STOX2: variants seen among roughly 807,000 people sequenced by gnomAD.
The protein encoded by STOX2 is storkhead-box protein 2.
Under a neutral mutation model 60.9 loss-of-function variants are expected in STOX2, and 28 were observed. The ratio of observed to expected loss-of-function variants is 0.46; its 90% confidence interval spans 0.34 to 0.63. The LOEUF is 0.63. Ranked by LOEUF, STOX2 falls within the 30% of genes least tolerant of loss-of-function variation. The pLI, the probability that STOX2 is intolerant of heterozygous loss-of-function variation, is 0.01. For synonymous variants in STOX2, 472 were observed against 463.9 expected, an observed-to-expected ratio of 1.02 and a Z score of -0.22; for missense variants, 1,024 against 1,187.7, an observed-to-expected ratio of 0.86 and a Z score of 2.03.
intron 1 of STOX2, among the ~76,000 whole-genome samples, chr4:183,948,810 G>C: frequency 6.6e-6 from 1 of 152,072 alleles, no homozygotes; most frequent in Non-Finnish European, 1.5e-5. Context: ...GGGATTACAG[G>C]CGTGAGCCAC....
In STOX2 at chr4:184,011,119, C is replaced by T; in HGVS notation, c.2281C>T (p.Gln761Ter). The change falls in exon 3 of 4, where the codon CAG becomes TAG. Residue 761 changes from glutamine to a stop codon, truncating the protein, a stop_gained. Coordinates refer to ENST00000308497, the MANE Select transcript of STOX2 (RefSeq NM_020225.3). LOFTEE classifies it high-confidence loss of function. The surrounding 1 kb of genome is among the most constrained non-coding windows in gnomAD (Gnocchi z 4.4). ...AQAMPASQRQ[Q>*]ESGGNQEASF... ...AGCCATGCCTGCTTCCCAGCGTCAG[C>T]AGGAGTCAGGAGGGAACCAGGAAGC... 2 of 1,579,144 alleles carry T rather than the reference C, an allele frequency of 1.3e-6. No homozygotes were observed. Among genetic ancestry groups the T allele is most frequent in the Non-Finnish European group, 1.7e-6 (2 of 1,165,318 alleles).
At chr4:183,907,069 T>G in intron 1 of STOX2, 113 bp downstream of exon 1, 1 of 939,968 alleles carries the variant, frequency 1.1e-6, no homozygotes, top group Non-Finnish European at 1.6e-6. Context: ...CGATAAGTTA[T>G]GGGGAAAGCA....
intron 1 of STOX2, among the ~76,000 whole-genome samples, chr4:183,801,002 G>A (rs773277048): frequency 1.3e-5 from 2 of 152,208 alleles, no homozygotes; most frequent in African/African-American, 4.8e-5. Flanking sequence ...GATTTGCCAG[G>A]AGTTAATATT....
At chr4:183,914,321 C>T (rs1414313611) in intron 1 of STOX2, among the ~76,000 whole-genome samples, 1 of 152,128 alleles carries the variant, frequency 6.6e-6, no homozygotes, top group Non-Finnish European at 1.5e-5. Context: ...GCCTGTAGTC[C>T]CAGCTACTCG....
chr4:183,807,022 G>T (rs1183800828), intron 1 of STOX2, among the ~76,000 whole-genome samples: 3 of 151,924 alleles, frequency 2.0e-5, no homozygotes, highest in Non-Finnish European at 4.4e-5. Flanking sequence ...GCCCAGGCTG[G>T]AGTGCAGTGG....
At chr4:183,970,179 TGTGGG>T (rs1743701926) in intron 1 of STOX2, among the ~76,000 whole-genome samples, 2 of 139,448 alleles carry the variant, frequency 1.4e-5, no homozygotes, top group Admixed American at 7.6e-5. Flanking sequence ...TGTGTGTGTG[TGTGGG>T]GTTCCAGCTG....
intron 2 of STOX2, among the ~76,000 whole-genome samples, chr4:184,002,279 A>G (rs1174434791): frequency 6.6e-6 from 1 of 152,238 alleles, no homozygotes; most frequent in African/African-American, 2.4e-5. Context: ...TTATCGGGCT[A>G]CCAGTTTGCC....
chr4:183,889,148 A>G (rs1006562575), intron 1 of STOX2, among the ~76,000 whole-genome samples: 1 of 151,978 alleles, frequency 6.6e-6, no homozygotes, highest in African/African-American at 2.4e-5. Flanking sequence ...ACAGATTCAT[A>G]TGTTGAAGTC....
intron 1 of STOX2, among the ~76,000 whole-genome samples, chr4:183,835,504 G>A (rs529961904): frequency 3.3e-5 from 5 of 152,220 alleles, no homozygotes; most frequent in South Asian, 4.2e-4. Flanking sequence ...GATTACAGGC[G>A]TGAGCCACCG....
intron 1 of STOX2, among the ~76,000 whole-genome samples, chr4:183,870,180 T>C (rs904692520): frequency 1.3e-5 from 2 of 152,348 alleles, no homozygotes; most frequent in South Asian, 4.1e-4. Context: ...TTATATACTC[T>C]ACCAGTACTA....
chr4:183,878,042 GAGGTAAGAATTATCACTTGAAGTTTTT>G (rs1463242122), intron 1 of STOX2, among the ~76,000 whole-genome samples: 1 of 152,170 alleles, frequency 6.6e-6, no homozygotes, highest in African/African-American at 2.4e-5. Flanking sequence ...ACAGTATCTT[GAGGTAAGAATTATCACTTGAAGTTTTT>G]AGACCTGGAA....
intron 3 of STOX2, chr4:184,016,049 T>A (rs868077699): frequency 1.5e-4 from 23 of 152,332 alleles, no homozygotes; most frequent in Non-Finnish European, 3.2e-4. Flanking sequence ...ATAATACAGC[T>A]TTTAAATCAC....
chr4:183,850,586 G>C (rs775372022), intron 1 of STOX2, among the ~76,000 whole-genome samples: 18 of 151,970 alleles, frequency 1.2e-4, no homozygotes, highest in Non-Finnish European at 1.9e-4. Context: ...AAAATTAGCT[G>C]GGCTTGGTGG....
intron 1 of STOX2, among the ~76,000 whole-genome samples, chr4:183,837,243 G>T (rs1411921850): frequency 2.0e-5 from 3 of 152,052 alleles, no homozygotes; most frequent in African/African-American, 7.3e-5. Context: ...ATTCATAAGT[G>T]TACAATTCAG....
At chr4:183,834,089 C>T (rs528936955) in intron 1 of STOX2, among the ~76,000 whole-genome samples, 1 of 148,012 alleles carries the variant, frequency 6.8e-6, no homozygotes, top group Admixed American at 6.6e-5. Context: ...CATTGGATCT[C>T]TTCAAGCCTC....
intron 1 of STOX2, among the ~76,000 whole-genome samples, chr4:183,807,194 G>T (rs1019153920): frequency 1.3e-5 from 2 of 152,092 alleles, no homozygotes; most frequent in African/African-American, 4.8e-5. Context: ...TGATGGTCTC[G>T]ATCTCCTGAC....
intron 1 of STOX2, among the ~76,000 whole-genome samples, chr4:183,963,493 C>A (rs771358054): frequency 6.7e-6 from 1 of 150,322 alleles, no homozygotes; most frequent in Non-Finnish European, 1.5e-5. Context: ...ATGGTGTGAT[C>A]TCTGCTCACT....
At chr4:183,978,306 C>G (rs963079654) in intron 1 of STOX2, among the ~76,000 whole-genome samples, 3 of 152,100 alleles carry the variant, frequency 2.0e-5, no homozygotes, top group Non-Finnish European at 4.4e-5. Context: ...CAATTCTATT[C>G]TTCTACATAT....
At position 183,874,391 on chromosome 4, in the gene STOX2, G is replaced by T. The variant is rs531733466; in HGVS notation, c.364+76336G>T. ...TGAATAAGAAAGTCTCTTTGTATTT[G>T]CTCCCTTTTAGAGAAGGAGGACAGT... On this transcript the variant is annotated intron_variant, in intron 1 of 2. Coordinates refer to the STOX2 transcript ENST00000513034. 2.6e-5 allele frequency among the ~76,000 whole-genome samples: 4 copies of T among 152,236 alleles called. No individual in the cohort carries two copies. In the East Asian group the frequency reaches 5.8e-4, roughly 22 times the overall value.
Sources: allele counts gnomAD v4.1 joint callset (sites outside exome capture counted in the v4.1 genomes callset), GRCh38; gene constraint gnomAD v4.1.1; non-coding constraint Gnocchi (gnomAD v3.1); transcripts MANE v1.5; gene names NCBI Gene and HGNC (gene_info 2026-07-23, HGNC 2026-07-21).